PI4KA: variants seen among roughly 807,000 people sequenced by gnomAD.
PI4KA encodes PI4-kinase alpha.
PI4KA carries 122 observed loss-of-function variants against 271.4 expected under a neutral mutation model. That is an observed-to-expected ratio of 0.45 (90% CI 0.39 to 0.52). The LOEUF (loss-of-function observed/expected upper bound fraction) is 0.52. PI4KA is among the 20% of genes least tolerant of loss of function. PI4KA has a pLI of 0.00. For synonymous variants in PI4KA, 1,041 were observed against 1,078.8 expected (o/e 0.96, Z 0.69); for missense variants, 1,969 against 2,769.1 (o/e 0.71, Z 6.48).
chr22:20,712,235 T>C (rs2147169991), intron 50 of PI4KA: 1 of 252,848 alleles, frequency 4.0e-6, no homozygotes, highest in Middle Eastern at 2.1e-3. Flanking sequence ...TTTTTGTATT[T>C]TTAGTAGAGA....
chr22:20,718,586 T>C lies in PI4KA; in HGVS notation c.5246+107A>G, dbSNP rs563429390. ...CCGCTGCTAGAGACTCTCATTCATC[T>C]GGTTGGGGCCAGGCACGGGTATTTT... is the stretch of plus-strand genomic sequence containing the variant. On this transcript the variant is annotated intron_variant, in intron 44 of 54. Transcript: ENST00000255882. 1.9e-5 allele frequency: 25 copies of C among 1,290,328 alleles called. No homozygotes were observed. In the East Asian group the frequency reaches 5.1e-4, roughly 27 times the overall value. The allele number at this position is 1,290,328 out of a possible 1,614,324, so 79.9% of individuals were successfully genotyped here.
At chr22:20,713,003 T>TGAGG (rs2147173159) in intron 48 of PI4KA, 1 of 619,382 alleles carries the variant, frequency 1.6e-6, no homozygotes. Flanking sequence ...GGGCTGAGCA[T>TGAGG]GAGGCTGAGC....
At chr22:20,742,865 C>A in intron 30 of PI4KA, 101 bp from the exon 31 acceptor site, 1 of 982,888 alleles carries the variant, frequency 1.0e-6, no homozygotes, top group Non-Finnish European at 1.6e-6. Context: ...CTGGTGGGTG[C>A]CTCGCTGCCC....
At position 20,727,376 on chromosome 22, in the gene PI4KA, T is replaced by TG. The variant is rs1454715663; in HGVS notation, c.4794dup (p.Ile1599HisfsTer81). 1 of 1,607,172 alleles carries TG rather than the reference T, an allele frequency of 6.2e-7. No individual in the cohort carries two copies. On this transcript the variant is annotated frameshift_variant, in exon 41 of 55. Transcript: ENST00000255882. LOFTEE classifies it high-confidence loss of function. ...CTGAGCTCTGGAGCATCGGCGTCGA[T>TG]GGTGTGCCAGGTGACCAGGAACTGC...
chr22:20,810,436 G>A, intron 9 of PI4KA, among the ~76,000 whole-genome samples: 1 of 151,812 alleles, frequency 6.6e-6, no homozygotes, highest in Middle Eastern at 3.2e-3. Context: ...GTGAACCTGG[G>A]AGGCAGAGCT....
At chr22:20,771,754 G>T (rs1392948640) in intron 19 of PI4KA, among the ~76,000 whole-genome samples, 2 of 151,864 alleles carry the variant, frequency 1.3e-5, no homozygotes, top group Non-Finnish European at 1.5e-5. Context: ...GCTAATTTTT[G>T]TATTTTTAGT....
At chr22:20,740,949 G>A (rs919134979) in intron 32 of PI4KA, among the ~76,000 whole-genome samples, 1 of 152,228 alleles carries the variant, frequency 6.6e-6, no homozygotes, top group African/African-American at 2.4e-5. Flanking sequence ...AACTGTTAAA[G>A]AAAATTACTT....
intron 19 of PI4KA, 30 bp from the exon 20 acceptor site, chr22:20,765,723 A>T (rs1383990480): frequency 1.4e-6 from 2 of 1,464,206 alleles, no homozygotes; most frequent in African/African-American, 2.8e-5. Context: ...GGGAGAAAGG[A>T]GGTTATTTGC....
At chr22:20,820,490 A>T in intron 5 of PI4KA, 49 bp downstream of exon 5, 1 of 1,202,166 alleles carries the variant, frequency 8.3e-7, no homozygotes, top group Non-Finnish European at 1.2e-6. Context: ...AAGCAAGGGA[A>T]AGAGTAACCA....
intron 18 of PI4KA, among the ~76,000 whole-genome samples, chr22:20,794,723 G>T (rs746849550): frequency 2.0e-5 from 3 of 152,144 alleles, no homozygotes; most frequent in African/African-American, 7.2e-5. Flanking sequence ...CCCACTCAGC[G>T]CCACAGGCAG....
At chr22:20,713,072 C>T (rs973671940) in intron 48 of PI4KA, 3 of 673,744 alleles carry the variant, frequency 4.5e-6, no homozygotes, top group African/African-American at 3.6e-5. Flanking sequence ...CTCAGGTGGG[C>T]ACTGGCATGG....
intron 3 of PI4KA, among the ~76,000 whole-genome samples, chr22:20,832,577 G>C (rs165844): frequency 0.5 from 75,506 of 151,796 alleles, 19,349 homozygotes; most frequent in African/African-American, 0.6. Flanking sequence ...CCTCAGCCAC[G>C]CAAGTAGCTG....
Position 20,718,767 on chromosome 22 carries a change from G to A in PI4KA, c.5172C>T (p.Ser1724=), listed in dbSNP as rs530508978. 8.8e-6 allele frequency: 14 copies of A among 1,597,934 alleles called. No individual in the cohort carries two copies. The highest frequency in any genetic ancestry group is 1.7e-4 in the Middle Eastern group (1 of 5,930). The change falls in exon 44 of 55, where the codon TCC becomes TCT. Residue 1724 remains serine (S), a synonymous_variant. Transcript: ENST00000255882. ...GCTGGTAAAAGTCCTTCGCTGGGCCGGACAAGGAGCCTGTGATCTCCTCTA... is the reference window on the plus strand; with the variant it reads ...GCTGGTAAAAGTCCTTCGCTGGGCCAGACAAGGAGCCTGTGATCTCCTCTA... The part of the protein sequence containing the change: ...QLVEEITGSL[S]GPAKDFYQRE...
intron 32 of PI4KA, among the ~76,000 whole-genome samples, chr22:20,739,625 GA>G (rs1929169456): frequency 1.4e-5 from 1 of 71,346 alleles, no homozygotes; most frequent in South Asian, 4.2e-4. Flanking sequence ...AAAAGAAACT[GA>G]CCCAAGATGA....
chr22:20,721,147 G>C, intron 43 of PI4KA, 151 bp downstream of exon 43: 1 of 773,618 alleles, frequency 1.3e-6, no homozygotes, highest in Non-Finnish European at 2.2e-6. Context: ...CCTGTGTGCT[G>C]AAAGGTGAGA....
At chr22:20,787,443 A>G (rs1934341423) in intron 19 of PI4KA, 1 of 350,082 alleles carries the variant, frequency 2.9e-6, no homozygotes, top group Non-Finnish European at 5.5e-6. Flanking sequence ...CCTCATCTGA[A>G]TACCAAGCAC....
chr22:20,849,165 G>T (rs532306816), intron 1 of PI4KA, among the ~76,000 whole-genome samples: 2 of 152,260 alleles, frequency 1.3e-5, no homozygotes, highest in Non-Finnish European at 2.9e-5. Flanking sequence ...ACATCCACTA[G>T]GATGGCTATA....
At chr22:20,745,621 T>C (rs890515887) in intron 29 of PI4KA, among the ~76,000 whole-genome samples, 6 of 152,044 alleles carry the variant, frequency 3.9e-5, no homozygotes, top group African/African-American at 1.2e-4. Flanking sequence ...AAAAAATAAA[T>C]TACGTGAAAC....
At chr22:20,783,924 T>G in intron 19 of PI4KA, 1 of 1,613,142 alleles carries the variant, frequency 6.2e-7, no homozygotes, top group Non-Finnish European at 8.5e-7. Flanking sequence ...TGAGACGATT[T>G]CCCTAAAGGA....
Sources: allele counts gnomAD v4.1 joint callset (sites outside exome capture counted in the v4.1 genomes callset), GRCh38; gene constraint gnomAD v4.1.1; transcripts MANE v1.5; gene names NCBI Gene and HGNC (gene_info 2026-07-23, HGNC 2026-07-21).